FGGY: variants seen among roughly 807,000 people sequenced by gnomAD.
FGGY encodes the protein FGGY carbohydrate kinase domain containing, also known as FGGY carbohydrate kinase domain-containing protein.
A neutral mutation model predicts 71.3 loss-of-function variants in FGGY; 72 were observed. That is an observed-to-expected ratio of 1.01 (90% CI 0.84 to 1.23). The LOEUF is 1.23. Ranked by LOEUF, FGGY falls within the 50% of genes most tolerant of loss-of-function variation. The pLI, the probability that FGGY is intolerant of heterozygous loss-of-function variation, is 0.00. For synonymous variants in FGGY, 251 were observed against 250.3 expected (o/e 1.00, Z -0.02); for missense variants, 668 against 682.3 (o/e 0.98, Z 0.23).
intron 9 of FGGY, among the ~76,000 whole-genome samples, chr1:59,614,723 A>C (rs570716398): frequency 6.6e-6 from 1 of 152,338 alleles, no homozygotes; most frequent in East Asian, 1.9e-4. Flanking sequence ...CTGTTTGTAG[A>C]TGACATGATT....
At chr1:59,491,136 TTCCTTC>T (rs1255668977) in intron 6 of FGGY, among the ~76,000 whole-genome samples, 2 of 81,516 alleles carry the variant, frequency 2.5e-5, no homozygotes, top group Non-Finnish European at 4.5e-5. Context: ...CCTTCCTTCC[TTCCTTC>T]CTTTCTCTCT....
chr1:59,417,715 T>G (rs2064710407), intron 5 of FGGY, among the ~76,000 whole-genome samples: 1 of 152,236 alleles, frequency 6.6e-6, no homozygotes, highest in Non-Finnish European at 1.5e-5. Context: ...TTGAGAATAT[T>G]TAATGTGCCT....
At chr1:59,344,981 A>G (rs2051510840) in intron 3 of FGGY, among the ~76,000 whole-genome samples, 1 of 152,144 alleles carries the variant, frequency 6.6e-6, no homozygotes, top group Admixed American at 6.6e-5. Context: ...GAATTGATTT[A>G]TCTGTTCTCT....
Position 59,532,942 on chromosome 1 carries a change from ACT to A in FGGY, c.799+20506_799+20507del, listed in dbSNP as rs904042228. Among the ~76,000 whole-genome samples, 23 of 152,048 alleles carry A rather than the reference ACT, an allele frequency of 1.5e-4. No individual in the cohort carries two copies. In the South Asian group the frequency reaches 1.7e-3, roughly 11 times the overall value. ...TGCTATTGCAGAAAGTCAATACAAA[ACT>A]CTATTTTATTTCTCTAATCCAGAGG... On this transcript the variant is annotated intron_variant, in intron 7 of 15. Transcript: ENST00000303721.
At chr1:59,637,475 A>C (rs1034046060) in intron 10 of FGGY, among the ~76,000 whole-genome samples, 4 of 152,154 alleles carry the variant, frequency 2.6e-5, no homozygotes, top group African/African-American at 7.2e-5. Flanking sequence ...TCTACTAAAA[A>C]TACAAAAATT....
At chr1:59,609,396 A>C (rs2096653458) in intron 9 of FGGY, among the ~76,000 whole-genome samples, 1 of 152,234 alleles carries the variant, frequency 6.6e-6, no homozygotes, top group Non-Finnish European at 1.5e-5. Context: ...AGAAGCCATG[A>C]GGGTAAAGGC....
At chr1:59,338,728 A>C (rs115045439) in intron 2 of FGGY, among the ~76,000 whole-genome samples, 132 of 152,300 alleles carry the variant, frequency 8.7e-4, no homozygotes, top group African/African-American at 2.9e-3. Context: ...AATTTATTTA[A>C]TAAAAATAGT....
At chr1:59,360,515 C>A (rs948518113) in intron 4 of FGGY, among the ~76,000 whole-genome samples, 2 of 152,294 alleles carry the variant, frequency 1.3e-5, no homozygotes, top group African/African-American at 2.4e-5. Flanking sequence ...TTCCCCCAGG[C>A]TTTTTACCTA....
chr1:59,504,296 A>G (rs962896496), intron 6 of FGGY, among the ~76,000 whole-genome samples: 4 of 152,198 alleles, frequency 2.6e-5, no homozygotes, highest in Non-Finnish European at 5.9e-5. Context: ...TCCCTGAGTT[A>G]TGTGAGCTGC....
chr1:59,713,757 T>G (rs1303419891), intron 14 of FGGY, among the ~76,000 whole-genome samples: 4 of 152,226 alleles, frequency 2.6e-5, no homozygotes, highest in African/African-American at 9.6e-5. Flanking sequence ...CTCTAAGACT[T>G]TCAAGAAGAT....
At position 59,582,695 on chromosome 1, in the gene FGGY, G is replaced by A. The variant is rs762543341; in HGVS notation, c.904-25108G>A. Among the ~76,000 whole-genome samples the A allele has an allele frequency of 7.3e-5, 11 of 150,102 alleles. 1 individual carries two copies. Among genetic ancestry groups the A allele is most frequent in the Middle Eastern group, 3.4e-3 (1 of 294 alleles). The stretch of plus-strand genomic sequence containing the variant: ...CCATGGTACATACCTGTCATGGTGC[G>A]TATCCTTCTGTGTTTGTTGTTAGTT... On this transcript the variant is annotated intron_variant, in intron 8 of 15. Transcript: ENST00000303721.
intron 5 of FGGY, among the ~76,000 whole-genome samples, chr1:59,391,086 T>G (rs1186197837): frequency 6.6e-6 from 1 of 152,176 alleles, no homozygotes; most frequent in Admixed American, 6.5e-5. Context: ...AGCTTGTGGA[T>G]GGGGTGAGGA....
At chr1:59,466,960 C>T (rs1189908314) in intron 6 of FGGY, among the ~76,000 whole-genome samples, 3 of 152,152 alleles carry the variant, frequency 2.0e-5, no homozygotes, top group African/African-American at 7.2e-5. Context: ...TTCAAGGATC[C>T]AGAACTAGAA....
intron 8 of FGGY, among the ~76,000 whole-genome samples, chr1:59,597,166 T>C (rs892710396): frequency 6.6e-6 from 1 of 152,194 alleles, no homozygotes; most frequent in African/African-American, 2.4e-5. Context: ...GGTCTAGACT[T>C]GTAGGGATGT....
rs188970362 is a variant in FGGY, at chr1:59,378,278, C to T, written c.466-471C>T. On this transcript the variant is annotated intron_variant, in intron 4 of 15. Transcript: ENST00000303721. Reference sequence around the variant, plus strand: ...AATCATGAGGGCAGTTTTCCCCATGCTGTTCTCGTGGTAGTGAGTAAGTCT... The same window carrying T: ...AATCATGAGGGCAGTTTTCCCCATGTTGTTCTCGTGGTAGTGAGTAAGTCT... Among the ~76,000 whole-genome samples, 448 of 152,062 alleles carry T rather than the reference C, an allele frequency of 2.9e-3. 9 individuals carry two copies. Among genetic ancestry groups the T allele is most frequent in the Non-Finnish European group, 1.0e-3 (68 of 67,998 alleles).
At chr1:59,491,582 T>C (rs1202826945) in intron 6 of FGGY, among the ~76,000 whole-genome samples, 1 of 152,190 alleles carries the variant, frequency 6.6e-6, no homozygotes, top group Non-Finnish European at 1.5e-5. Flanking sequence ...ACTGAATTTG[T>C]TGATCAATTC....
At chr1:59,648,969 G>C (rs1181742834) in intron 11 of FGGY, among the ~76,000 whole-genome samples, 1 of 151,278 alleles carries the variant, frequency 6.6e-6, no homozygotes, top group African/African-American at 2.4e-5. Flanking sequence ...CCTACATATG[G>C]CTAGCCAGTT....
intron 4 of FGGY, among the ~76,000 whole-genome samples, chr1:59,376,516 A>G (rs976341232): frequency 1.3e-5 from 2 of 152,224 alleles, no homozygotes; most frequent in African/African-American, 2.4e-5. Flanking sequence ...GGCCAGTTGT[A>G]TATAAAATAG....
At chr1:59,493,472 A>G (rs534102594) in intron 6 of FGGY, among the ~76,000 whole-genome samples, 1 of 152,186 alleles carries the variant, frequency 6.6e-6, no homozygotes. Flanking sequence ...GGAGGGAATT[A>G]TGACACATAC....
Sources: gnomAD v4.1 joint callset for allele counts (sites outside exome capture counted in the v4.1 genomes callset) on GRCh38, gnomAD v4.1.1 for gene constraint, MANE v1.5 for transcripts, NCBI Gene and HGNC (gene_info 2026-07-23, HGNC 2026-07-21) for gene names.